Variants in HYKK observed in about 807,000 individuals in gnomAD.
HYKK encodes 5-hydroxy-L-lysine kinase.
In HYKK, 19 loss-of-function variants were observed where a neutral mutation model predicts 29.7. The ratio of observed to expected loss-of-function variants is 0.64; its 90% CI spans 0.45 to 0.94. The LOEUF is 0.94. Among genes scored for constraint, HYKK ranks in the 40% least tolerant of loss-of-function variants. HYKK has a pLI of 0.00. For synonymous variants in HYKK, 152 were observed against 158.1 expected (o/e 0.96, Z 0.29); for missense variants, 390 against 443.4 (o/e 0.88, Z 1.08).
chr15:78,526,707 A>G (rs1286887397), intron 3 of HYKK, among the ~76,000 whole-genome samples: 1 of 152,200 alleles, frequency 6.6e-6, no homozygotes, highest in East Asian at 1.9e-4. Flanking sequence ...AGCTGCCTCC[A>G]ATTTCTTTTG....
intron 3 of HYKK, among the ~76,000 whole-genome samples, chr15:78,517,321 T>A (rs1227958699): frequency 2.0e-5 from 3 of 152,110 alleles, no homozygotes; most frequent in African/African-American, 7.2e-5. Context: ...ACACCTGTAA[T>A]CCCAGCACTT....
At chr15:78,529,368 G>T (rs1005497511) in intron 4 of HYKK, among the ~76,000 whole-genome samples, 7 of 152,194 alleles carry the variant, frequency 4.6e-5, no homozygotes, top group African/African-American at 1.7e-4. Flanking sequence ...CCGTGAACAT[G>T]CTTGAGTCTC....
chr15:78,508,765 C>T (rs1227883502), intron 1 of HYKK, among the ~76,000 whole-genome samples: 1 of 151,082 alleles, frequency 6.6e-6, no homozygotes, highest in Non-Finnish European at 1.5e-5. Flanking sequence ...ATCAAAAAGA[C>T]AGCCATGATG....
In HYKK at chr15:78,533,369, T is replaced by A; in HGVS notation, c.821T>A (p.Met274Lys). ...GTGGCAATTACCATCATGTACATGATGATTGAGAGCAAGAGTCCTATACAA... is the reference window on the plus strand; with the variant it reads ...GTGGCAATTACCATCATGTACATGAAGATTGAGAGCAAGAGTCCTATACAA... ...FEVAITIMYM[M>K]IESKSPIQVG... The change falls in exon 5 of 5, where the codon ATG (methionine) becomes AAG (lysine). Residue 274 changes from methionine (M) to lysine (K), a missense_variant. Met to Lys is a moderately conservative substitution (Grantham distance 95). Transcript: ENST00000388988. 3 of 1,614,220 alleles carry A rather than the reference T, an allele frequency of 1.9e-6. No individual in the cohort carries two copies. Among genetic ancestry groups the A allele is most frequent in the East Asian group, 2.2e-5 (1 of 44,892 alleles).
chr15:78,516,357 T>TC (rs1025022835), intron 3 of HYKK, among the ~76,000 whole-genome samples: 5 of 149,632 alleles, frequency 3.3e-5, no homozygotes, highest in Admixed American at 2.0e-4. Context: ...TTTTTTTTTT[T>TC]TTTTTTGAGA....
At position 78,533,894 on chromosome 15, in the gene HYKK, T is replaced by A. The variant is rs969556159; in HGVS notation, c.*224T>A. 12 of 559,710 alleles carry A rather than the reference T, an allele frequency of 2.1e-5. No individual in the cohort carries two copies. The African/African-American group carries it at 2.3e-4, about 11-fold the overall frequency. The allele number at this position is 559,710 out of a possible 1,614,324, so 34.7% of individuals were successfully genotyped here. ...ACAAGCAAGCATATTTTTCTGTGAG[T>A]CTTACTTGCCATATCTATAAAACAC... On this transcript the variant is annotated 3_prime_UTR_variant, in exon 5 of 5. Transcript: ENST00000388988.
chr15:78,520,043 A>G (rs893685141), intron 3 of HYKK, among the ~76,000 whole-genome samples: 2 of 152,204 alleles, frequency 1.3e-5, no homozygotes, highest in Non-Finnish European at 2.9e-5. Context: ...CAATTCTGCT[A>G]TGCATTTAGG....
intron 1 of HYKK, among the ~76,000 whole-genome samples, chr15:78,510,401 G>A (rs1175793313): frequency 1.3e-5 from 2 of 151,824 alleles, no homozygotes; most frequent in African/African-American, 2.4e-5. Context: ...GTTTCGCCAT[G>A]TTGGCCAGGC....
At chr15:78,520,127 C>T (rs1035029335) in intron 3 of HYKK, among the ~76,000 whole-genome samples, 7 of 152,230 alleles carry the variant, frequency 4.6e-5, no homozygotes, top group Admixed American at 6.5e-5. Context: ...ACCAAGCATT[C>T]TTCATTTGGC....
chr15:78,509,005 G>A, intron 1 of HYKK, among the ~76,000 whole-genome samples: 1 of 151,460 alleles, frequency 6.6e-6, no homozygotes, highest in East Asian at 1.9e-4. Context: ...CAGTGATTGT[G>A]CCACTGTACT....
rs138546460 is a variant in HYKK, at chr15:78,513,882, C to T, written c.337+457C>T. Among the ~76,000 whole-genome samples, 1,190 of 152,278 alleles carry T rather than the reference C, an allele frequency of 7.8e-3. 18 individuals carry two copies. Among genetic ancestry groups the T allele is most frequent in the African/African-American group, 0.027 (1,128 of 41,544 alleles). On this transcript the variant is annotated intron_variant, in intron 2 of 4. Coordinates refer to ENST00000388988, the MANE Select transcript of HYKK (RefSeq NM_001013619.4). The stretch of plus-strand genomic sequence containing the variant: ...TCACAGCTCACTGCAGCCTTGACCT[C>T]CTGGGCTCAGGTGATCCTCCCACTT...
chr15:78,517,783 A>G (rs2052151482), intron 3 of HYKK, among the ~76,000 whole-genome samples: 1 of 152,096 alleles, frequency 6.6e-6, no homozygotes, highest in Admixed American at 6.5e-5. Context: ...CCAATTTACT[A>G]CTGATCAAAA....
rs199967887 is a variant in HYKK, at chr15:78,533,482, C to T, written c.934C>T (p.Arg312Cys). Reference sequence around the variant, plus strand: ...TGCTTTGTTTTTACTTGTATGCAGTCGTTTTTGTCAGTCACTTGTCATGGC... The same window carrying T: ...TGCTTTGTTTTTACTTGTATGCAGTTGTTTTTGTCAGTCACTTGTCATGGC... ...KGALFLLVCS[R>C]FCQSLVMAAY... The change falls in exon 5 of 5, where the codon CGT (arginine) becomes TGT (cysteine). Residue 312 changes from arginine (R) to cysteine (C), a missense_variant. Arg to Cys is a radical substitution (Grantham distance 180, BLOSUM62 -3). Transcript: ENST00000388988. The T allele has an allele frequency of 4.9e-5, 79 of 1,614,004 alleles. No homozygotes were observed. Among genetic ancestry groups the T allele is most frequent in the Non-Finnish European group, 6.0e-5 (71 of 1,180,018 alleles).
At chr15:78,520,954 C>T (rs2052189248) in intron 3 of HYKK, among the ~76,000 whole-genome samples, 2 of 151,170 alleles carry the variant, frequency 1.3e-5, no homozygotes, top group South Asian at 4.2e-4. Context: ...GGGCAGCTGG[C>T]CGGGCGGGGG....
At chr15:78,519,584 AC>A (rs1340078463) in intron 3 of HYKK, among the ~76,000 whole-genome samples, 3 of 151,980 alleles carry the variant, frequency 2.0e-5, no homozygotes, top group African/African-American at 7.3e-5. Flanking sequence ...ACATAATGAA[AC>A]CCCATCTCTA....
chr15:78,522,002 T>C (rs2052202139), intron 3 of HYKK, among the ~76,000 whole-genome samples: 1 of 150,974 alleles, frequency 6.6e-6, no homozygotes, highest in East Asian at 1.9e-4. Flanking sequence ...TTTTTTGTAA[T>C]GAGGTGAGAT....
intron 3 of HYKK, among the ~76,000 whole-genome samples, chr15:78,519,031 T>C (rs993986851): frequency 3.3e-5 from 5 of 151,926 alleles, no homozygotes; most frequent in Non-Finnish European, 7.4e-5. Flanking sequence ...AATCCTTCCA[T>C]GATCCATTAT....
chr15:78,508,762 A>C (rs1295367749), intron 1 of HYKK, among the ~76,000 whole-genome samples: 3 of 151,622 alleles, frequency 2.0e-5, no homozygotes, highest in Non-Finnish European at 2.9e-5. Flanking sequence ...AAAATCAAAA[A>C]GACAGCCATG....
chr15:78,527,265 GGCA>G, intron 3 of HYKK, 112 bp from the exon 4 acceptor site: 1 of 822,686 alleles, frequency 1.2e-6, no homozygotes, highest in South Asian at 1.8e-5. Context: ...CTGCCTGGGC[GGCA>G]GAGTAAGACT....
Sources: gnomAD v4.1 joint callset for allele counts (sites outside exome capture counted in the v4.1 genomes callset) on GRCh38, gnomAD v4.1.1 for gene constraint, MANE v1.5 for transcripts, NCBI Gene and HGNC (gene_info 2026-07-23, HGNC 2026-07-21) for gene names.